Variants in SYN3 observed in about 807,000 individuals in gnomAD.
SYN3 encodes the protein synapsin III, also known as synapsin-3.
Under a neutral mutation model 65.8 loss-of-function variants are expected in SYN3, and 35 were observed. That is an observed-to-expected ratio of 0.53 (90% CI 0.41 to 0.70). SYN3 has a LOEUF of 0.70. Ranked by LOEUF, SYN3 falls within the 30% of genes least tolerant of loss-of-function variation. The pLI is 0.00. For synonymous variants in SYN3, 270 were observed against 292.9 expected (o/e 0.92, Z 0.80); for missense variants, 680 against 749.0 (o/e 0.91, Z 1.08).
intron 6 of SYN3, among the ~76,000 whole-genome samples, chr22:32,819,029 T>G (rs916936582): frequency 3.9e-5 from 6 of 152,210 alleles, no homozygotes; most frequent in African/African-American, 1.4e-4. Context: ...CCTCTGCGCT[T>G]AAGTATAGGT....
In SYN3 at chr22:32,805,749, C is replaced by T. The variant is rs558001059; in HGVS notation, c.711+59166G>A. 3.6e-4 allele frequency among the ~76,000 whole-genome samples: 54 copies of T among 151,574 alleles called. 1 individual carries two copies. Among genetic ancestry groups the T allele is most frequent in the African/African-American group, 1.3e-3 (52 of 41,382 alleles). On this transcript the variant is annotated intron_variant, in intron 6 of 13. Coordinates refer to ENST00000358763, the MANE Select transcript of SYN3 (RefSeq NM_003490.4). Reference sequence around the variant, plus strand: ...CAGTTGCTAAATGATAAAGCTAAAACGTATTATCAGTTATACCATGCTTCA... The same window carrying T: ...CAGTTGCTAAATGATAAAGCTAAAATGTATTATCAGTTATACCATGCTTCA...
intron 4 of SYN3, among the ~76,000 whole-genome samples, chr22:32,871,060 G>A (rs1040015301): frequency 6.6e-6 from 1 of 152,186 alleles, no homozygotes; most frequent in African/African-American, 2.4e-5. Context: ...TGGCAGCGTG[G>A]GTTCCATCAC....
chr22:32,779,735 T>A (rs2045988145), intron 6 of SYN3, among the ~76,000 whole-genome samples: 1 of 151,982 alleles, frequency 6.6e-6, no homozygotes, highest in Non-Finnish European at 1.5e-5. Flanking sequence ...CCCCAGGGGA[T>A]GCATGAATAG....
intron 2 of SYN3, among the ~76,000 whole-genome samples, chr22:32,991,369 A>AATG (rs1237285997): frequency 6.7e-6 from 1 of 149,592 alleles, no homozygotes; most frequent in Non-Finnish European, 1.5e-5. Flanking sequence ...TAATAATAAT[A>AATG]ATAGTAATAA....
chr22:32,796,640 A>G (rs917499005), intron 6 of SYN3, among the ~76,000 whole-genome samples: 4 of 152,164 alleles, frequency 2.6e-5, no homozygotes, highest in Non-Finnish European at 4.4e-5. Flanking sequence ...TGGGTGGACC[A>G]GGCTGTCTGT....
intron 1 of SYN3, among the ~76,000 whole-genome samples, chr22:33,019,722 G>A (rs534472256): frequency 1.8e-4 from 27 of 152,222 alleles, no homozygotes; most frequent in African/African-American, 6.5e-4. Flanking sequence ...TTGGCTCACT[G>A]CATCCTCCCG....
chr22:32,707,467 T>G (rs2060895573), intron 6 of SYN3, among the ~76,000 whole-genome samples: 1 of 152,226 alleles, frequency 6.6e-6, no homozygotes, highest in Non-Finnish European at 1.5e-5. Context: ...TCAGGGCCAC[T>G]GTGAAAACAC....
At chr22:32,556,431 G>C (rs1374443973) in intron 7 of SYN3, among the ~76,000 whole-genome samples, 1 of 152,172 alleles carries the variant, frequency 6.6e-6, no homozygotes, top group Non-Finnish European at 1.5e-5. Context: ...CAACATCACT[G>C]AAAGAAACAT....
intron 10 of SYN3, 53 bp from the exon 11 acceptor site, chr22:32,529,061 T>C (rs2058028452): frequency 6.2e-7 from 1 of 1,610,012 alleles, no homozygotes; most frequent in African/African-American, 1.3e-5. Flanking sequence ...GAGATGGCGG[T>C]TGGGCATCAC....
At chr22:32,767,385 T>TCACACACACA (rs10527431) in intron 6 of SYN3, among the ~76,000 whole-genome samples, 20,586 of 151,278 alleles carry the variant, frequency 0.14, 1,381 homozygotes, top group Middle Eastern at 0.17. Context: ...GCTGGTGACT[T>TCACACACACA]CACACACACA....
chr22:33,057,724 T>G (rs1277310259), intron 1 of SYN3: 2 of 152,304 alleles, frequency 1.3e-5, no homozygotes, highest in Non-Finnish European at 2.9e-5. Flanking sequence ...AAGTGCTGGA[T>G]AGATACACGA....
intron 6 of SYN3, among the ~76,000 whole-genome samples, chr22:32,645,147 TAAG>T (rs2059964671): frequency 6.6e-6 from 1 of 152,080 alleles, no homozygotes; most frequent in Non-Finnish European, 1.5e-5. Context: ...CTAAGAAAAT[TAAG>T]AAGGCAAGGA....
At chr22:32,778,250 C>G (rs1306201239) in intron 6 of SYN3, among the ~76,000 whole-genome samples, 1 of 152,128 alleles carries the variant, frequency 6.6e-6, no homozygotes, top group Non-Finnish European at 1.5e-5. Flanking sequence ...ATTCTCATGC[C>G]TCATTTCCTA....
At chr22:32,753,234 C>G (rs574809213) in intron 6 of SYN3, among the ~76,000 whole-genome samples, 2 of 152,288 alleles carry the variant, frequency 1.3e-5, no homozygotes, top group Admixed American at 6.5e-5. Flanking sequence ...TCAAAGGTCA[C>G]GGGTCCTGTG....
intron 6 of SYN3, among the ~76,000 whole-genome samples, chr22:32,603,537 G>GAAAAAAAAAA (rs1259399396): frequency 8.0e-6 from 1 of 124,776 alleles, no homozygotes; most frequent in African/African-American, 2.7e-5. Flanking sequence ...CAAAAAAAAA[G>GAAAAAAAAAA]AAAAAAAAAA....
intron 7 of SYN3, among the ~76,000 whole-genome samples, chr22:32,560,132 A>G (rs147401169): frequency 5.9e-5 from 9 of 152,330 alleles, no homozygotes; most frequent in Non-Finnish European, 1.0e-4. Context: ...GGGAGAAGGA[A>G]TGCAAGACCC....
chr22:32,988,990 C>G (rs1222243931), intron 2 of SYN3, among the ~76,000 whole-genome samples: 1 of 126,488 alleles, frequency 7.9e-6, no homozygotes, highest in Non-Finnish European at 1.8e-5. Flanking sequence ...ATAAGAAGAT[C>G]TACTCACATG....
intron 1 of SYN3, among the ~76,000 whole-genome samples, chr22:33,014,712 G>A (rs1225913571): frequency 6.6e-6 from 1 of 152,156 alleles, no homozygotes. Context: ...CCCGGGAGGC[G>A]GGAGTTGCGG....
At chr22:33,035,342 C>CCA (rs1556217572) in intron 1 of SYN3, among the ~76,000 whole-genome samples, 7 of 109,096 alleles carry the variant, frequency 6.4e-5, no homozygotes, top group Admixed American at 2.6e-4. Flanking sequence ...CCCCCCCCCC[C>CCA]CCGCCACCAA....
Sources: gnomAD v4.1 joint callset for allele counts (sites outside exome capture counted in the v4.1 genomes callset) on GRCh38, gnomAD v4.1.1 for gene constraint, MANE v1.5 for transcripts, NCBI Gene and HGNC (gene_info 2026-07-23, HGNC 2026-07-21) for gene names.